Variants in AKAP6 observed in about 807,000 individuals in gnomAD.
AKAP6 encodes A-kinase anchoring protein 6.
In AKAP6, 58 loss-of-function variants were observed where a neutral mutation model predicts 188.5. The ratio of observed to expected loss-of-function variants is 0.31; its 90% CI spans 0.25 to 0.38. The LOEUF (loss-of-function observed/expected upper bound fraction) is 0.38. AKAP6 is among the 10% of genes least tolerant of loss of function. The probability of loss-of-function intolerance (pLI) is 1.00; values close to 1 mark genes in which losing one functional copy is unlikely to be tolerated. For synonymous variants in AKAP6, 989 were observed against 998.6 expected (o/e 0.99, Z 0.18); for missense variants, 2,710 against 2,740.0 (o/e 0.99, Z 0.24).
intron 2 of AKAP6, among the ~76,000 whole-genome samples, chr14:32,513,063 G>C (rs1881339559): frequency 6.6e-6 from 1 of 152,182 alleles, no homozygotes; most frequent in Admixed American, 6.5e-5. Context: ...TCAAAGGCTT[G>C]AAAGTGGAAG....
chr14:32,727,002 A>G (rs1010988525), intron 9 of AKAP6, among the ~76,000 whole-genome samples: 1 of 152,222 alleles, frequency 6.6e-6, no homozygotes, highest in Non-Finnish European at 1.5e-5. Flanking sequence ...TAAATATTTA[A>G]TATAAACTCA....
chr14:32,609,416 C>T (rs574406847), intron 7 of AKAP6, among the ~76,000 whole-genome samples: 1 of 152,080 alleles, frequency 6.6e-6, no homozygotes, highest in South Asian at 2.1e-4. Context: ...TCCCACTGTG[C>T]CTAAATGAAG....
At chr14:32,593,205 A>T (rs1885560983) in intron 5 of AKAP6, among the ~76,000 whole-genome samples, 1 of 152,162 alleles carries the variant, frequency 6.6e-6, no homozygotes, top group African/African-American at 2.4e-5. Context: ...ATTCGAGTTG[A>T]CCTGGCAAGG....
chr14:32,675,581 CCTTAGTAGGAGGAACTA>C (rs1398977617), intron 7 of AKAP6, among the ~76,000 whole-genome samples: 2 of 152,136 alleles, frequency 1.3e-5, no homozygotes, highest in Admixed American at 1.3e-4. Context: ...AGCCATTCAA[CCTTAGTAGGAGGAACTA>C]CTTTGGTTCT....
chr14:32,728,605 T>A (rs1054256398), intron 9 of AKAP6, among the ~76,000 whole-genome samples: 33 of 152,330 alleles, frequency 2.2e-4, no homozygotes, highest in African/African-American at 7.9e-4. Flanking sequence ...GCTCAAACCC[T>A]GATGACACAG....
intron 2 of AKAP6, among the ~76,000 whole-genome samples, chr14:32,507,012 A>T (rs1481360749): frequency 6.6e-6 from 1 of 152,198 alleles, no homozygotes; most frequent in Non-Finnish European, 1.5e-5. Flanking sequence ...AAGGAAGGAG[A>T]CACTGGTGAC....
intron 12 of AKAP6, among the ~76,000 whole-genome samples, chr14:32,803,294 A>AC (rs1594962631): frequency 3.4e-5 from 5 of 149,118 alleles, no homozygotes; most frequent in African/African-American, 1.2e-4. Flanking sequence ...AAAAAAAACA[A>AC]AACAAATATT....
chr14:32,785,803 T>C (rs2033383447), intron 12 of AKAP6, among the ~76,000 whole-genome samples: 3 of 152,188 alleles, frequency 2.0e-5, no homozygotes. Flanking sequence ...ACGAATGCTA[T>C]ACTTATTTGG....
chr14:32,569,379 A>G (rs540987892), intron 4 of AKAP6, among the ~76,000 whole-genome samples: 69 of 152,266 alleles, frequency 4.5e-4, no homozygotes, highest in Non-Finnish European at 9.1e-4. Context: ...TTTCTCTTCA[A>G]TCTTTGTTCT....
chr14:32,717,132 A>T (rs2139772940), intron 9 of AKAP6, among the ~76,000 whole-genome samples: 1 of 151,492 alleles, frequency 6.6e-6, no homozygotes, highest in African/African-American at 2.4e-5. Flanking sequence ...TGCAGGATTG[A>T]TGGTGCCCAG....
intron 12 of AKAP6, among the ~76,000 whole-genome samples, chr14:32,776,556 C>T (rs988450423): frequency 2.0e-5 from 3 of 152,142 alleles, no homozygotes; most frequent in Admixed American, 2.0e-4. Flanking sequence ...CTGCTATATC[C>T]CCCAGGGCCT....
intron 7 of AKAP6, among the ~76,000 whole-genome samples, chr14:32,659,222 A>G (rs1413746560): frequency 6.6e-6 from 1 of 152,174 alleles, no homozygotes; most frequent in East Asian, 1.9e-4. Context: ...TGCTTTTCAA[A>G]TAAAAGATTG....
intron 1 of AKAP6, among the ~76,000 whole-genome samples, chr14:32,417,358 A>G (rs941743): frequency 0.64 from 96,608 of 151,974 alleles, 32,984 homozygotes; most frequent in Non-Finnish European, 0.76. Context: ...TCCCTATGAA[A>G]CGATAGGCAG....
intron 12 of AKAP6, among the ~76,000 whole-genome samples, chr14:32,785,386 A>G (rs2033370605): frequency 6.6e-6 from 1 of 152,198 alleles, no homozygotes; most frequent in South Asian, 2.1e-4. Context: ...TTGAATAATT[A>G]TTAAGTTACA....
intron 7 of AKAP6, among the ~76,000 whole-genome samples, chr14:32,605,138 C>CAAAT (rs10633691): frequency 0.57 from 86,525 of 151,294 alleles, 25,161 homozygotes; most frequent in Admixed American, 0.66. Flanking sequence ...TTTCTAGAGA[C>CAAAT]AAATAATTTT....
intron 2 of AKAP6, among the ~76,000 whole-genome samples, chr14:32,470,948 T>C (rs1165604314): frequency 6.6e-6 from 1 of 152,182 alleles, no homozygotes; most frequent in African/African-American, 2.4e-5. Context: ...TCCTAAGACC[T>C]TTAATCCATC....
At chr14:32,510,201 G>C (rs541205872) in intron 2 of AKAP6, among the ~76,000 whole-genome samples, 29 of 151,618 alleles carry the variant, frequency 1.9e-4, no homozygotes, top group Admixed American at 1.8e-3. Flanking sequence ...TACTAATAGT[G>C]TCTCTCTGCT....
chr14:32,486,708 G>A (rs894266087), intron 2 of AKAP6, among the ~76,000 whole-genome samples: 1 of 152,182 alleles, frequency 6.6e-6, no homozygotes, highest in African/African-American at 2.4e-5. Context: ...AGCTTAAGGA[G>A]GTTTTGGGCT....
rs1248461438 is a variant in AKAP6 at position 32,551,375 on chromosome 14, C to G, written c.2346+4376C>G. Among the ~76,000 whole-genome samples, 5 of 151,930 alleles carry G rather than the reference C, an allele frequency of 3.3e-5. No homozygotes were observed. The East Asian group carries it at 5.9e-4, about 18-fold the overall frequency. On this transcript the variant is annotated intron_variant, in intron 4 of 13. Coordinates refer to ENST00000280979, the MANE Select transcript of AKAP6 (RefSeq NM_004274.5). ...TCACTTGAGGTCAGGAGTTTGAGAC[C>G]AGCCTGGCCAACATGGTGAAACCCC...
Sources: allele counts gnomAD v4.1 joint callset (sites outside exome capture counted in the v4.1 genomes callset), GRCh38; gene constraint gnomAD v4.1.1; transcripts MANE v1.5; gene names NCBI Gene and HGNC (gene_info 2026-07-23, HGNC 2026-07-21).